TET3: variants seen among roughly 807,000 people sequenced by gnomAD.
TET3 encodes the protein tet methylcytosine dioxygenase 3, also known as methylcytosine dioxygenase TET3.
In TET3, 19 loss-of-function variants were observed where a neutral mutation model predicts 141.4. That is an observed-to-expected ratio of 0.13 (90% confidence interval 0.09 to 0.20). TET3 has a LOEUF of 0.20. Ranked by LOEUF, TET3 falls within the 10% of genes least tolerant of loss-of-function variation. The pLI, the probability that TET3 is intolerant of heterozygous loss-of-function variation, is 1.00. For synonymous variants in TET3, 1,043 were observed against 980.9 expected, an observed-to-expected ratio of 1.06 and a Z score of -1.18; for missense variants, 1,874 against 2,356.9, an observed-to-expected ratio of 0.80 and a Z score of 4.24.
chr2:74,106,748 T>G lies in TET3; in HGVS notation c.*4572T>G, dbSNP rs1167418290. On this transcript the variant is annotated 3_prime_UTR_variant, in exon 12 of 12. Coordinates refer to ENST00000409262, the MANE Select transcript of TET3 (RefSeq NM_001287491.2). ...GTCATCCACTGTCACAATAATTTTT[T>G]TAAATACCTCAAAAACAGGACATCA... The G allele has an allele frequency of 6.5e-6, 1 of 153,726 alleles. No individual in the cohort carries two copies. The highest frequency in any genetic ancestry group is 2.4e-5 in the African/African-American group (1 of 41,444). The allele number at this position is 153,726 out of a possible 1,614,324, so 9.5% of individuals were successfully genotyped here.
chr2:74,051,914 A>T (rs1442467920), intron 4 of TET3, among the ~76,000 whole-genome samples: 2 of 152,186 alleles, frequency 1.3e-5, no homozygotes, highest in Non-Finnish European at 2.9e-5. Flanking sequence ...AAGAGAACCA[A>T]CGAAGAGATT....
downstream of TET3, among the ~76,000 whole-genome samples, chr2:74,111,213 C>T (rs1691697182): frequency 6.6e-6 from 1 of 152,186 alleles, no homozygotes; most frequent in African/African-American, 2.4e-5. Flanking sequence ...AGAATCGACT[C>T]AGTCTTCTCC....
chr2:73,988,213 C>G (rs751059461), intron 2 of TET3, among the ~76,000 whole-genome samples: 1 of 152,106 alleles, frequency 6.6e-6, no homozygotes, highest in East Asian at 1.9e-4. Context: ...TGTTATGAAG[C>G]GGGGGAGGCT....
At position 74,101,398 on chromosome 2, in the gene TET3, T is replaced by C; in HGVS notation, c.4610T>C (p.Leu1537Pro). Residue 1537 changes from leucine (L) to proline (P), a missense_variant, in exon 12 of 12, where the codon CTG becomes CCG. Coordinates refer to ENST00000409262, the MANE Select transcript of TET3 (RefSeq NM_001287491.2). This position sits in a 1 kb window ranked among gnomAD's most constrained non-coding sequence, Gnocchi z 8.5. Reference sequence around the variant, plus strand: ...AGCCTGACTGAGAAGCCGTGGGCGCTGGGGGCAGGGGATTTCAACTCGGCC... The same window carrying C: ...AGCCTGACTGAGAAGCCGTGGGCGCCGGGGGCAGGGGATTTCAACTCGGCC... Reference protein sequence around the residue: ...GPSLTEKPWALGAGDFNSALK... With the variant: ...GPSLTEKPWAPGAGDFNSALK... The C allele has an allele frequency of 6.2e-7, 1 of 1,613,636 alleles. No individual in the cohort carries two copies.
At chr2:74,041,040 A>T (rs1280258660) in intron 3 of TET3, among the ~76,000 whole-genome samples, 1 of 152,124 alleles carries the variant, frequency 6.6e-6, no homozygotes, top group African/African-American at 2.4e-5. Flanking sequence ...CTCCTCTGGC[A>T]TTGTCCTGCC....
chr2:74,097,619 C>T (rs983303633), intron 10 of TET3, among the ~76,000 whole-genome samples: 2 of 152,106 alleles, frequency 1.3e-5, no homozygotes, highest in Non-Finnish European at 2.9e-5. Flanking sequence ...GGGAGCATGG[C>T]CCAGAGTCTT....
At chr2:74,019,644 G>GAA (rs1410519712) in intron 3 of TET3, among the ~76,000 whole-genome samples, 2 of 152,190 alleles carry the variant, frequency 1.3e-5, no homozygotes, top group African/African-American at 4.8e-5. Flanking sequence ...TGATGAGAGG[G>GAA]ACAGTGAGCT....
At chr2:74,067,000 A>G (rs1421612459) in intron 4 of TET3, among the ~76,000 whole-genome samples, 1 of 152,044 alleles carries the variant, frequency 6.6e-6, no homozygotes. Context: ...GCATATTCTT[A>G]TGTTCTATTT....
At chr2:74,084,303 T>TA (rs1689992546) in intron 6 of TET3, among the ~76,000 whole-genome samples, 1 of 152,188 alleles carries the variant, frequency 6.6e-6, no homozygotes, top group South Asian at 2.1e-4. Flanking sequence ...TGATTCCACT[T>TA]ACATGAGGTA....
Position 74,100,716 on chromosome 2 carries a change from G to A in TET3, c.3928G>A (p.Gly1310Ser). 2.5e-6 allele frequency: 4 copies of A among 1,613,994 alleles called. No individual in the cohort carries two copies. The highest frequency in any genetic ancestry group is 3.4e-6 in the Non-Finnish European group (4 of 1,179,892). Residue 1310 changes from glycine to serine, a missense_variant, in exon 12 of 12, where the codon GGC becomes AGC. Coordinates refer to ENST00000409262, the MANE Select transcript of TET3 (RefSeq NM_001287491.2). ...FLGPGAWGHS[G>S]SSGSFEKKPD... ...GGGTCCTGGTGCCTGGGGGCACAGT[G>A]GCAGCAGTGGCAGTTTTGAGAAGAA...
At chr2:74,071,352 A>G (rs946473023) in intron 4 of TET3, among the ~76,000 whole-genome samples, 1 of 152,226 alleles carries the variant, frequency 6.6e-6, no homozygotes, top group Non-Finnish European at 1.5e-5. Context: ...TGACTCTTGC[A>G]GACAGTGTTG....
rs576399879 is a variant in TET3, at chr2:74,085,373, G to A, written c.2680-2457G>A. Among the ~76,000 whole-genome samples, 66 of 152,224 alleles carry A rather than the reference G, an allele frequency of 4.3e-4. No homozygotes were observed. In the South Asian group the frequency reaches 6.8e-3, roughly 16 times the overall value. ...CACACCACCCACTAGTCTTGCATCC[G>A]GCCCACCTTCCTCATTTGTATTGCC... is the stretch of plus-strand genomic sequence containing the variant. On this transcript the variant is annotated intron_variant, in intron 6 of 11. Transcript: ENST00000409262.
intron 3 of TET3, among the ~76,000 whole-genome samples, chr2:74,026,228 C>G (rs910265020): frequency 2.0e-5 from 3 of 151,588 alleles, no homozygotes; most frequent in African/African-American, 7.3e-5. Flanking sequence ...GACTTTGACA[C>G]TGGTCTGCCA....
At chr2:74,084,924 G>C (rs1291270844) in intron 6 of TET3, among the ~76,000 whole-genome samples, 2 of 152,010 alleles carry the variant, frequency 1.3e-5, no homozygotes, top group African/African-American at 4.8e-5. Context: ...AACAGAGCAA[G>C]ACTCGGTCTC....
intron 3 of TET3, among the ~76,000 whole-genome samples, chr2:74,020,336 A>G (rs990676136): frequency 4.6e-5 from 7 of 152,136 alleles, no homozygotes; most frequent in African/African-American, 7.2e-5. Flanking sequence ...GGTGCATACC[A>G]CCACACCCAG....
At chr2:74,023,417 A>G (rs1010196395) in intron 3 of TET3, among the ~76,000 whole-genome samples, 3 of 151,354 alleles carry the variant, frequency 2.0e-5, no homozygotes, top group African/African-American at 7.3e-5. Flanking sequence ...TAATTTTTCT[A>G]TTTTTCGTAA....
downstream of TET3, among the ~76,000 whole-genome samples, chr2:74,111,435 C>T (rs1691702141): frequency 6.6e-6 from 1 of 152,220 alleles, no homozygotes; most frequent in South Asian, 2.1e-4. Context: ...ATCCTGACAC[C>T]TGCCAAGTCT....
intron 11 of TET3, among the ~76,000 whole-genome samples, chr2:74,099,904 C>T (rs955976979): frequency 6.6e-6 from 1 of 152,146 alleles, no homozygotes; most frequent in African/African-American, 2.4e-5. Context: ...CTCTAGTTTG[C>T]TCCCCTCTGA....
intron 1 of TET3, among the ~76,000 whole-genome samples, chr2:73,985,705 A>C (rs1683987756): frequency 6.6e-6 from 1 of 152,048 alleles, no homozygotes; most frequent in African/African-American, 2.4e-5. Flanking sequence ...AACTCTCACC[A>C]GCCCGTGGGG....
Sources: gnomAD v4.1 joint callset for allele counts (sites outside exome capture counted in the v4.1 genomes callset) on GRCh38, gnomAD v4.1.1 for gene constraint, Gnocchi (gnomAD v3.1) non-coding constraint, MANE v1.5 for transcripts, NCBI Gene and HGNC (gene_info 2026-07-23, HGNC 2026-07-21) for gene names.